The following DYRK4 variants were observed in gnomAD, a reference collection of about 807,000 sequenced individuals.
The protein encoded by DYRK4 is dual specificity tyrosine phosphorylation regulated kinase 4.
A neutral mutation model predicts 68.3 loss-of-function variants in DYRK4; 64 were observed. The observed-to-expected ratio is 0.94, with a 90% CI of 0.77 to 1.15. DYRK4 has a LOEUF of 1.15. Among genes scored for constraint, DYRK4 ranks in the 50% most tolerant of loss-of-function variants. The pLI, the probability that DYRK4 is intolerant of heterozygous loss-of-function variation, is 0.00. For synonymous variants in DYRK4, 274 were observed against 289.9 expected (o/e 0.95, Z 0.56); for missense variants, 740 against 764.7 (o/e 0.97, Z 0.38).
intron 10 of DYRK4, chr12:4,602,286 T>C: frequency 9.8e-7 from 1 of 1,018,930 alleles, no homozygotes; most frequent in Non-Finnish European, 1.5e-6. Context: ...CTTTAAATAC[T>C]ATGCCATTCT....
intron 2 of DYRK4, among the ~76,000 whole-genome samples, chr12:4,584,419 A>G (rs1327369170): frequency 6.6e-6 from 1 of 152,214 alleles, no homozygotes; most frequent in Non-Finnish European, 1.5e-5. Context: ...GAAGAAGAGC[A>G]GGATCACAGG....
chr12:4,571,034 CT>C (rs998406953), intron 2 of DYRK4, among the ~76,000 whole-genome samples: 2 of 152,198 alleles, frequency 1.3e-5, no homozygotes, highest in African/African-American at 4.8e-5. Context: ...CCTCAGTCAT[CT>C]CAAGCAGTAG....
At chr12:4,611,865 A>G (rs1232773386) in intron 13 of DYRK4, among the ~76,000 whole-genome samples, 1 of 152,198 alleles carries the variant, frequency 6.6e-6, no homozygotes, top group African/African-American at 2.4e-5. Context: ...TAAAATTAGG[A>G]TAGTTATTTT....
chr12:4,574,377 C>T (rs1944765332), intron 2 of DYRK4, among the ~76,000 whole-genome samples: 1 of 151,998 alleles, frequency 6.6e-6, no homozygotes, highest in Non-Finnish European at 1.5e-5. Flanking sequence ...GTTTCTAAAC[C>T]TTCTAAACTA....
intron 10 of DYRK4, among the ~76,000 whole-genome samples, chr12:4,601,149 T>C (rs1246019535): frequency 6.6e-6 from 1 of 152,260 alleles, no homozygotes; most frequent in Non-Finnish European, 1.5e-5. Flanking sequence ...TATCTATTTC[T>C]TATTGTGTCT....
chr12:4,571,756 C>G (rs984658574), intron 2 of DYRK4, among the ~76,000 whole-genome samples: 2 of 152,072 alleles, frequency 1.3e-5, no homozygotes, highest in East Asian at 3.8e-4. Context: ...TTAATTTCAT[C>G]TATTTCTTTT....
chr12:4,582,707 G>T (rs928120657), intron 2 of DYRK4, among the ~76,000 whole-genome samples: 3 of 152,184 alleles, frequency 2.0e-5, no homozygotes, highest in Admixed American at 2.0e-4. Context: ...TGGCGGTGGG[G>T]TGGGTGATGG....
chr12:4,579,979 G>A (rs1172295055), intron 2 of DYRK4, among the ~76,000 whole-genome samples: 2 of 152,122 alleles, frequency 1.3e-5, no homozygotes, highest in East Asian at 1.9e-4. Flanking sequence ...TGTTAATTGT[G>A]TTATCTTGGA....
chr12:4,588,962 T>A lies in DYRK4; in HGVS notation c.158T>A (p.Ile53Asn). Residue 53 changes from isoleucine (I) to asparagine (N), a missense_variant, in exon 3 of 15, where the codon ATC becomes AAC. By Grantham distance (149) the Ile-to-Asn change is moderately radical. Transcript: ENST00000543431. ...GTTGGAAGTAAACTTTCGGTTCAGA[T>A]CCAGAAGCCACCTTCCAATATCAAG... is the stretch of plus-strand genomic sequence containing the variant. Reference protein sequence around the residue: ...AKVGSKLSVQIQKPPSNIKNS... With the variant: ...AKVGSKLSVQNQKPPSNIKNS... 1 of 1,536,102 alleles carries A rather than the reference T, an allele frequency of 6.5e-7. No individual in the cohort carries two copies. The highest frequency in any genetic ancestry group is 1.4e-5 in the African/African-American group (1 of 73,158).
chr12:4,607,663 C>T (rs182119678), intron 12 of DYRK4, among the ~76,000 whole-genome samples: 162 of 152,206 alleles, frequency 1.1e-3, no homozygotes, highest in African/African-American at 3.6e-3. Context: ...AATATTGCAA[C>T]CTCAAAATAT....
chr12:4,562,407 C>T (rs769836998), intron 1 of DYRK4, 124 bp downstream of exon 1: 6 of 1,244,170 alleles, frequency 4.8e-6, no homozygotes, highest in East Asian at 5.8e-5. Flanking sequence ...AAGAGCTGAC[C>T]GGGGAATGTG....
At chr12:4,592,926 G>A (rs1944973195) in intron 5 of DYRK4, 76 bp from the exon 6 acceptor site, 3 of 1,544,458 alleles carry the variant, frequency 1.9e-6, no homozygotes, top group Non-Finnish European at 2.6e-6. Flanking sequence ...GACCTGGAAG[G>A]GATGCCATCG....
At chr12:4,574,264 C>T (rs1263063524) in intron 2 of DYRK4, among the ~76,000 whole-genome samples, 2 of 151,248 alleles carry the variant, frequency 1.3e-5, no homozygotes, top group Non-Finnish European at 2.9e-5. Context: ...AAAGCAGTCC[C>T]ATGTGTGTCC....
At chr12:4,578,742 G>C (rs1278629995) in intron 2 of DYRK4, among the ~76,000 whole-genome samples, 2 of 152,172 alleles carry the variant, frequency 1.3e-5, no homozygotes, top group African/African-American at 4.8e-5. Context: ...GTCTGAGAGA[G>C]TATGAATGGT....
intron 1 of DYRK4, chr12:4,562,996 C>G: frequency 2.2e-6 from 1 of 452,168 alleles, no homozygotes; most frequent in South Asian, 1.6e-5. Context: ...ACCGTGACCC[C>G]TCTGACATGT....
At chr12:4,573,631 G>C (rs1047761432) in intron 2 of DYRK4, among the ~76,000 whole-genome samples, 2 of 152,096 alleles carry the variant, frequency 1.3e-5, no homozygotes, top group Admixed American at 6.6e-5. Flanking sequence ...TGCCCTCCCG[G>C]TGTGTGTTAT....
intron 6 of DYRK4, among the ~76,000 whole-genome samples, chr12:4,594,470 C>T (rs571543852): frequency 5.3e-5 from 8 of 152,250 alleles, no homozygotes; most frequent in African/African-American, 1.4e-4. Flanking sequence ...GCGATCCATC[C>T]GTCTTGGCCT....
intron 2 of DYRK4, among the ~76,000 whole-genome samples, chr12:4,588,568 C>T (rs1254622970): frequency 6.6e-6 from 1 of 152,218 alleles, no homozygotes; most frequent in Admixed American, 6.5e-5. Flanking sequence ...GGCGAAAAGA[C>T]TTCCAGGCAA....
At chr12:4,596,387 C>G in intron 7 of DYRK4, 102 bp downstream of exon 7, 1 of 1,563,890 alleles carries the variant, frequency 6.4e-7, no homozygotes, top group Non-Finnish European at 8.6e-7. Flanking sequence ...TCCAATCTTC[C>G]CTTTTGTCTT....
Sources: allele counts gnomAD v4.1 joint callset (sites outside exome capture counted in the v4.1 genomes callset), GRCh38; gene constraint gnomAD v4.1.1; transcripts MANE v1.5; gene names NCBI Gene and HGNC (gene_info 2026-07-23, HGNC 2026-07-21).